DLAT: variants seen among roughly 807,000 people sequenced by gnomAD.
The protein encoded by DLAT is dihydrolipoyllysine-residue acetyltransferase component of pyruvate dehydrogenase complex, mitochondrial.
DLAT carries 43 observed loss-of-function variants against 68.0 expected under a neutral mutation model. The observed-to-expected ratio is 0.63, with a 90% CI of 0.50 to 0.81. The LOEUF (loss-of-function observed/expected upper bound fraction) is 0.81. DLAT is among the 40% of genes least tolerant of loss of function. The pLI is 0.00. For synonymous variants in DLAT, 265 were observed against 288.6 expected (o/e 0.92, Z 0.83); for missense variants, 745 against 815.4 (o/e 0.91, Z 1.05).
chr11:112,052,526 G>A (rs1863711244), intron 11 of DLAT, among the ~76,000 whole-genome samples: 1 of 152,130 alleles, frequency 6.6e-6, no homozygotes, highest in African/African-American at 2.4e-5. Flanking sequence ...ATATTACAAA[G>A]GATATGGATG....
intron 8 of DLAT, among the ~76,000 whole-genome samples, chr11:112,044,193 T>C (rs935897165): frequency 1.3e-5 from 2 of 152,160 alleles, no homozygotes; most frequent in Admixed American, 1.3e-4. Flanking sequence ...TGGTGTTTGG[T>C]TTTTTTTGTT....
intron 4 of DLAT, among the ~76,000 whole-genome samples, chr11:112,033,174 C>G (rs1374093525): frequency 1.3e-5 from 2 of 152,140 alleles, no homozygotes; most frequent in Admixed American, 6.5e-5. Flanking sequence ...TTGCATTTAA[C>G]TTGGAGTGTG....
intron 9 of DLAT, among the ~76,000 whole-genome samples, chr11:112,045,648 A>T (rs1004772955): frequency 6.6e-6 from 1 of 150,626 alleles, no homozygotes; most frequent in Non-Finnish European, 1.5e-5. Flanking sequence ...AGATCGCACC[A>T]CCGCACTCCA....
chr11:112,032,089 C>T (rs1862439193), intron 4 of DLAT, among the ~76,000 whole-genome samples: 1 of 150,314 alleles, frequency 6.7e-6, no homozygotes, highest in Non-Finnish European at 1.5e-5. Flanking sequence ...GACATGATGG[C>T]CCGGCTGGTC....
intron 7 of DLAT, among the ~76,000 whole-genome samples, chr11:112,043,221 G>A (rs1235250337): frequency 6.6e-6 from 1 of 152,164 alleles, no homozygotes; most frequent in African/African-American, 2.4e-5. Context: ...AGGAATATTT[G>A]CAGTAGTTAA....
rs1241425902 is a variant in DLAT, at chr11:112,062,553, A to G, written c.*18A>G. On this transcript the variant is annotated 3_prime_UTR_variant, in exon 14 of 14. Coordinates refer to ENST00000280346, the MANE Select transcript of DLAT (RefSeq NM_001931.5). Reference sequence around the variant, plus strand: ...TGTTGTAACTAACTCAAGAATTTCTAAACTCTCCCAGGTCACACTGATTCA... The same window carrying G: ...TGTTGTAACTAACTCAAGAATTTCTGAACTCTCCCAGGTCACACTGATTCA... The G allele has an allele frequency of 1.2e-6, 2 of 1,611,638 alleles. No homozygotes were observed. Among genetic ancestry groups the G allele is most frequent in the East Asian group, 4.5e-5 (2 of 44,882 alleles).
chr11:112,026,201 C>T lies in DLAT; in HGVS notation c.283C>T (p.Pro95Ser), dbSNP rs2137678541. 6.2e-7 allele frequency: 1 copy of T among 1,609,404 alleles called. No individual in the cohort carries two copies. The highest frequency in any genetic ancestry group is 8.5e-7 in the Non-Finnish European group (1 of 1,177,274). Residue 95 changes from proline to serine, a missense_variant, in exon 2 of 14, where the codon CCA becomes TCA. Pro to Ser is a moderately conservative substitution (Grantham distance 74). Coordinates refer to ENST00000280346, the MANE Select transcript of DLAT (RefSeq NM_001931.5). ...GTTTCTTCTTTTCCTTTTCCAGGTT[C>T]CATTGCCTTCTCTTTCCCCCACAAT... The part of the protein sequence containing the change: ...YYSLPPHQKV[P>S]LPSLSPTMQA...
chr11:112,034,919 A>C (rs868945852), intron 5 of DLAT, among the ~76,000 whole-genome samples: 28 of 151,420 alleles, frequency 1.8e-4, no homozygotes, highest in African/African-American at 6.1e-4. Context: ...GACTACAGGC[A>C]TGCACCACCA....
At chr11:112,029,741 C>T (rs1236460300) in intron 4 of DLAT, 2 of 398,244 alleles carry the variant, frequency 5.0e-6, no homozygotes, top group Non-Finnish European at 9.6e-6. Context: ...AATGGGGCAG[C>T]AGCAGGCAGG....
chr11:112,050,336 T>C lies in DLAT; in HGVS notation c.1399-898T>C, dbSNP rs75320816. On this transcript the variant is annotated intron_variant, in intron 10 of 13. Coordinates refer to ENST00000280346, the MANE Select transcript of DLAT (RefSeq NM_001931.5). The stretch of plus-strand genomic sequence containing the variant: ...ATTAGTGTGTACTTTTTTTTTTTTT[T>C]CTTCTAATGTCGTCTTTGGTTTTGG... 4.6e-5 allele frequency among the ~76,000 whole-genome samples: 7 copies of C among 151,708 alleles called. No individual in the cohort carries two copies. The South Asian group carries it at 1.0e-3, about 22-fold the overall frequency.
At chr11:112,030,925 T>C (rs1190026922) in intron 4 of DLAT, among the ~76,000 whole-genome samples, 4 of 152,264 alleles carry the variant, frequency 2.6e-5, no homozygotes, top group Non-Finnish European at 4.4e-5. Context: ...TATTACATGC[T>C]GTTCGGCAAA....
In DLAT at chr11:112,037,439, GCCACCACCTACC is replaced by G. The variant is rs781848001; in HGVS notation, c.960_971del (p.Thr322_Pro325del). 116 of 1,613,906 alleles carry G rather than the reference GCCACCACCTACC, an allele frequency of 7.2e-5. No homozygotes were observed. The highest frequency in any genetic ancestry group is 9.1e-5 in the Non-Finnish European group (107 of 1,179,982). Reference sequence around the variant, plus strand: ...AAGTAACAGATTTAAAACCACAAGTGCCACCACCTACCCCACCCCCGGTAGGTATGCTTCTAG... The same window carrying G: ...AAGTAACAGATTTAAAACCACAAGTGCCACCCCCGGTAGGTATGCTTCTAG... On this transcript the variant is annotated inframe_deletion, in exon 6 of 14. Transcript: ENST00000280346.
intron 11 of DLAT, among the ~76,000 whole-genome samples, chr11:112,052,253 A>C (rs1457447022): frequency 6.6e-6 from 1 of 152,162 alleles, no homozygotes; most frequent in Non-Finnish European, 1.5e-5. Context: ...CACCAACCAA[A>C]CAATTAATTC....
At position 112,064,162 on chromosome 11, in the gene DLAT, A is replaced by G; in HGVS notation, c.*1627A>G. ...CATCAATATGATCCAAATCTGGTTC[A>G]AACATTCAAAACTTCAAAGATAATT... On this transcript the variant is annotated 3_prime_UTR_variant, in exon 14 of 14. Transcript: ENST00000280346. 1 of 1,562,660 alleles carries G rather than the reference A, an allele frequency of 6.4e-7. No homozygotes were observed. The highest frequency in any genetic ancestry group is 1.7e-4 in the Middle Eastern group (1 of 5,986).
intron 6 of DLAT, 86 bp from the exon 7 acceptor site, chr11:112,039,158 A>G: frequency 7.7e-7 from 1 of 1,293,484 alleles, no homozygotes; most frequent in Non-Finnish European, 1.1e-6. Context: ...AATAGTTTTA[A>G]TTTATTAATA....
At chr11:112,025,881 A>G (rs1861968430) in intron 1 of DLAT, 130 bp downstream of exon 1, 6 of 1,254,528 alleles carry the variant, frequency 4.8e-6, no homozygotes, top group South Asian at 3.0e-5. Flanking sequence ...CCTTTGTCCA[A>G]TAGTTGGCTT....
At chr11:112,055,915 T>C (rs1864028817) in intron 11 of DLAT, among the ~76,000 whole-genome samples, 1 of 127,570 alleles carries the variant, frequency 7.8e-6, no homozygotes, top group African/African-American at 2.9e-5. Context: ...TTTGCCAGGC[T>C]GGAGTGCAAT....
chr11:112,060,937 C>A, intron 12 of DLAT, 101 bp from the exon 13 acceptor site: 2 of 1,057,644 alleles, frequency 1.9e-6, no homozygotes, highest in Non-Finnish European at 2.8e-6. Context: ...TTTCTTAAGA[C>A]CTTGCACCTT....
intron 11 of DLAT, among the ~76,000 whole-genome samples, chr11:112,054,102 C>T (rs946157745): frequency 2.0e-5 from 3 of 151,278 alleles, no homozygotes; most frequent in Admixed American, 6.6e-5. Flanking sequence ...TGAGGTCAAG[C>T]GTTCGAGATC....
Sources: gnomAD v4.1 joint callset for allele counts (sites outside exome capture counted in the v4.1 genomes callset) on GRCh38, gnomAD v4.1.1 for gene constraint, MANE v1.5 for transcripts, NCBI Gene and HGNC (gene_info 2026-07-23, HGNC 2026-07-21) for gene names.